Variants in RBFOX3 observed in about 807,000 individuals in gnomAD.
RBFOX3 encodes the protein RNA binding protein fox-1 homolog 3.
RBFOX3 carries 17 observed loss-of-function variants against 48.7 expected under a neutral mutation model. The observed-to-expected ratio is 0.35, with a 90% confidence interval of 0.24 to 0.52. The LOEUF is 0.52. Ranked by LOEUF, RBFOX3 falls within the 20% of genes least tolerant of loss-of-function variation. RBFOX3 has a pLI of 0.94. For missense variants in RBFOX3, 382 were observed against 497.5 expected (o/e 0.77, Z 2.21); for synonymous variants, 212 against 209.5 (o/e 1.01, Z -0.10).
rs577184824 is a variant in RBFOX3, at chr17:79,156,769, G to A, written c.-33-41021C>T. On this transcript the variant is annotated intron_variant, in intron 4 of 14. Coordinates refer to ENST00000693108, the MANE Select transcript of RBFOX3 (RefSeq NM_001350451.2). ...TGTCTGGCCTCGTACGGACTGGGCT[G>A]GCTGGCCGGCCCCTGAGCTGGACAG... Among the ~76,000 whole-genome samples, 4 of 152,304 alleles carry A rather than the reference G, an allele frequency of 2.6e-5. No homozygotes were observed. The South Asian group carries it at 8.3e-4, about 32-fold the overall frequency.
chr17:79,268,747 T>C (rs547831794), intron 3 of RBFOX3, among the ~76,000 whole-genome samples: 1 of 152,322 alleles, frequency 6.6e-6, no homozygotes, highest in South Asian at 2.1e-4. Flanking sequence ...GCTCCCCATC[T>C]GTCCCTCTCC....
At chr17:79,188,781 C>T (rs1038981469) in intron 4 of RBFOX3, among the ~76,000 whole-genome samples, 4 of 152,248 alleles carry the variant, frequency 2.6e-5, no homozygotes, top group African/African-American at 9.6e-5. Context: ...GCAAAAGGAA[C>T]ATCTGAAAGC....
intron 1 of RBFOX3, among the ~76,000 whole-genome samples, chr17:79,518,681 G>C (rs1234670428): frequency 1.3e-5 from 2 of 152,218 alleles, no homozygotes; most frequent in African/African-American, 4.8e-5. Context: ...CAGGCCTCAG[G>C]CTCCCCGTGC....
At chr17:79,594,549 G>A (rs1056226658) in intron 1 of RBFOX3, among the ~76,000 whole-genome samples, 2 of 152,184 alleles carry the variant, frequency 1.3e-5, no homozygotes, top group Non-Finnish European at 2.9e-5. Flanking sequence ...CGGCCCCTGC[G>A]CAGGGAGGAC....
At position 79,481,219 on chromosome 17, in the gene RBFOX3, C is replaced by T. The variant is rs1203185664; in HGVS notation, c.-175+1235G>A. Among the ~76,000 whole-genome samples the T allele has an allele frequency of 5.3e-5, 8 of 152,176 alleles. No individual in the cohort carries two copies. Among genetic ancestry groups the T allele is most frequent in the African/African-American group, 1.4e-4 (6 of 41,450 alleles). The stretch of plus-strand genomic sequence containing the variant: ...TGGTCTCTTTGTCCAGGGTTCTCGT[C>T]GGCATCATCTGCTCAGCCTACAGTG... On this transcript the variant is annotated intron_variant, in intron 2 of 14. Coordinates refer to ENST00000693108, the MANE Select transcript of RBFOX3 (RefSeq NM_001350451.2). The surrounding 1 kb of genome is among the most constrained non-coding windows in gnomAD (Gnocchi z 5.4).
At chr17:79,474,093 C>A (rs372434145) in intron 2 of RBFOX3, among the ~76,000 whole-genome samples, 5,240 of 152,086 alleles carry the variant, frequency 0.034, 120 homozygotes, top group South Asian at 0.057. Flanking sequence ...CCGGCAACCC[C>A]CTCTGAGGAA....
At chr17:79,370,347 T>G (rs2058350402) in intron 2 of RBFOX3, among the ~76,000 whole-genome samples, 1 of 152,184 alleles carries the variant, frequency 6.6e-6, no homozygotes, top group Admixed American at 6.5e-5. Flanking sequence ...GGGCCTCACT[T>G]GACACTTGCA....
chr17:79,427,388 C>G (rs1391576725), intron 2 of RBFOX3, among the ~76,000 whole-genome samples: 1 of 152,206 alleles, frequency 6.6e-6, no homozygotes, highest in African/African-American at 2.4e-5. Flanking sequence ...CGGGAAGCAC[C>G]CCTGTCTCTG....
In RBFOX3 at chr17:79,476,759, C is replaced by T. The variant is rs112706671; in HGVS notation, c.-175+5695G>A. ...AGGCAGGGTGGCAGAATTAGGGGGT[C>T]TGGAAAAGAAAGTGCAGAAAAGCCT... On this transcript the variant is annotated intron_variant, in intron 2 of 14. Coordinates refer to ENST00000693108, the MANE Select transcript of RBFOX3 (RefSeq NM_001350451.2). Among the ~76,000 whole-genome samples, 235 of 151,792 alleles carry T rather than the reference C, an allele frequency of 1.5e-3. 2 individuals carry two copies. Among genetic ancestry groups the T allele is most frequent in the African/African-American group, 5.5e-3 (229 of 41,354 alleles).
At position 79,477,095 on chromosome 17, in the gene RBFOX3, T is replaced by C. The variant is rs1243398107; in HGVS notation, c.-175+5359A>G. Among the ~76,000 whole-genome samples, 4 of 146,024 alleles carry C rather than the reference T, an allele frequency of 2.7e-5. No homozygotes were observed. Among genetic ancestry groups the C allele is most frequent in the Non-Finnish European group, 4.5e-5 (3 of 66,816 alleles). The stretch of plus-strand genomic sequence containing the variant: ...TAAAAATACAAAAATTAGCCAGGCG[T>C]GGTGGTGGGCGCCTGTAATCCCAGT... On this transcript the variant is annotated intron_variant, in intron 2 of 14. Transcript: ENST00000693108. The surrounding 1 kb of genome is among the most constrained non-coding windows in gnomAD (Gnocchi z 4.8).
chr17:79,281,716 A>G (rs1294238398), intron 3 of RBFOX3, among the ~76,000 whole-genome samples: 1 of 152,260 alleles, frequency 6.6e-6, no homozygotes, highest in Non-Finnish European at 1.5e-5. Flanking sequence ...CCAATGGTGT[A>G]TGCATTTAAC....
chr17:79,280,281 C>T (rs546581436), intron 3 of RBFOX3, among the ~76,000 whole-genome samples: 3 of 152,112 alleles, frequency 2.0e-5, no homozygotes, highest in South Asian at 2.1e-4. Context: ...CATGCATATA[C>T]GCACATGCAC....
chr17:79,260,894 C>T (rs1316452202), intron 3 of RBFOX3, among the ~76,000 whole-genome samples: 1 of 152,154 alleles, frequency 6.6e-6, no homozygotes, highest in Non-Finnish European at 1.5e-5. Context: ...ACGGGCCGCA[C>T]ACTGGCCTCC....
chr17:79,601,526 T>C lies in RBFOX3; in HGVS notation c.-320+9300A>G, dbSNP rs1207793421. 2.0e-5 allele frequency: 3 copies of C among 152,246 alleles called. No homozygotes were observed. In the South Asian group the frequency reaches 6.2e-4, roughly 32 times the overall value. 9.4% of individuals were successfully genotyped at this position (152,246 alleles called of 1,614,324 possible). Reference sequence around the variant, plus strand: ...TTCAAAGTGGTGAACATTATAGTTATGATTATTACCTAAAGACTTCCTTTA... The same window carrying C: ...TTCAAAGTGGTGAACATTATAGTTACGATTATTACCTAAAGACTTCCTTTA... On this transcript the variant is annotated intron_variant, in intron 1 of 14. Transcript: ENST00000693108.
At chr17:79,269,900 C>T (rs975167351) in intron 3 of RBFOX3, among the ~76,000 whole-genome samples, 1 of 152,168 alleles carries the variant, frequency 6.6e-6, no homozygotes, top group African/African-American at 2.4e-5. Context: ...CGCCATTGCC[C>T]TTATCCACCT....
chr17:79,329,357 A>T (rs748061760), intron 2 of RBFOX3, among the ~76,000 whole-genome samples: 2 of 152,040 alleles, frequency 1.3e-5, no homozygotes, highest in Non-Finnish European at 2.9e-5. Context: ...TCTTCACCCA[A>T]ACCTGTCCCC....
At chr17:79,654,415 A>T in the RBFOX3 span, among the ~76,000 whole-genome samples, 1 of 152,234 alleles carries the variant, frequency 6.6e-6, no homozygotes, top group Non-Finnish European at 1.5e-5. Context: ...GACACACCTA[A>T]GCAAATGAAA....
intron 2 of RBFOX3, among the ~76,000 whole-genome samples, chr17:79,312,492 T>C (rs2076993041): frequency 6.6e-6 from 1 of 152,000 alleles, no homozygotes; most frequent in African/African-American, 2.4e-5. Flanking sequence ...TGCCAGGCGC[T>C]GTCCTGTGCT....
At chr17:79,633,064 G>A in the RBFOX3 span, among the ~76,000 whole-genome samples, 15 of 152,342 alleles carry the variant, frequency 9.8e-5, no homozygotes, top group African/African-American at 3.1e-4. Flanking sequence ...GACCATCCAC[G>A]AAGTTCCTCA....
Sources: allele counts gnomAD v4.1 joint callset (sites outside exome capture counted in the v4.1 genomes callset), GRCh38; gene constraint gnomAD v4.1.1; non-coding constraint Gnocchi (gnomAD v3.1); transcripts MANE v1.5; gene names NCBI Gene and HGNC (gene_info 2026-07-23, HGNC 2026-07-21).